Variants in PLPP4 observed in about 807,000 individuals in gnomAD.
PLPP4 encodes diacylglycerol pyrophosphate like 2.
A neutral mutation model predicts 32.2 loss-of-function variants in PLPP4; 20 were observed. The ratio of observed to expected loss-of-function variants is 0.62; its 90% confidence interval spans 0.44 to 0.90. PLPP4 has a LOEUF of 0.90. Among genes scored for constraint, PLPP4 ranks in the 40% least tolerant of loss-of-function variants. The pLI, the probability that PLPP4 is intolerant of heterozygous loss-of-function variation, is 0.00. For missense variants in PLPP4, 257 were observed against 353.1 expected, an observed-to-expected ratio of 0.73 and a Z score of 2.18; for synonymous variants, 127 against 133.0, an observed-to-expected ratio of 0.95 and a Z score of 0.31.
chr10:120,479,022 C>A (rs7077756), intron 1 of PLPP4, among the ~76,000 whole-genome samples: 2 of 151,926 alleles, frequency 1.3e-5, no homozygotes, highest in Non-Finnish European at 2.9e-5. Context: ...GTCAGGAGAT[C>A]GAGACCATCC....
chr10:120,484,183 A>G (rs1844338259), intron 1 of PLPP4, among the ~76,000 whole-genome samples: 1 of 152,196 alleles, frequency 6.6e-6, no homozygotes, highest in East Asian at 1.9e-4. Flanking sequence ...TTCTATGCAT[A>G]TGTGCATGTT....
chr10:120,496,302 A>T (rs1844959777), intron 1 of PLPP4, among the ~76,000 whole-genome samples: 1 of 152,200 alleles, frequency 6.6e-6, no homozygotes, highest in Non-Finnish European at 1.5e-5. Flanking sequence ...GAGTGGCATC[A>T]CTGTCCCTTG....
At chr10:120,540,862 C>T (rs185378489) in intron 5 of PLPP4, among the ~76,000 whole-genome samples, 12 of 152,230 alleles carry the variant, frequency 7.9e-5, no homozygotes, top group Non-Finnish European at 1.0e-4. Flanking sequence ...CATTTCTGAG[C>T]GGAACACCCT....
chr10:120,545,384 GGACGA>G lies in PLPP4; in HGVS notation c.445+24291_445+24295del, dbSNP rs111864046. Among the ~76,000 whole-genome samples, 1,199 of 152,298 alleles carry G rather than the reference GGACGA, an allele frequency of 7.9e-3. 17 individuals carry two copies. The highest frequency in any genetic ancestry group is 0.028 in the African/African-American group (1,160 of 41,560). On this transcript the variant is annotated intron_variant, in intron 5 of 6. Coordinates refer to ENST00000398250, the MANE Select transcript of PLPP4 (RefSeq NM_001030059.3). ...AGAGATTTGGCCACACAAAGCCAAGGGACGAGTATGATATTCTGCCTTTACTCATG... is the reference window on the plus strand; with the variant it reads ...AGAGATTTGGCCACACAAAGCCAAGGGTATGATATTCTGCCTTTACTCATG...
rs146641224 is a variant in PLPP4, at chr10:120,524,843, G to A, written c.445+3748G>A. 9.8e-4 allele frequency among the ~76,000 whole-genome samples: 150 copies of A among 152,302 alleles called. 2 individuals are homozygous for A. The South Asian group carries it at 0.027, about 28-fold the overall frequency. ...GTACCTTCCCATAGTGCTTAAAGCA[G>A]GGATATTCTGAAAAGAGAATTTGTC... On this transcript the variant is annotated intron_variant, in intron 5 of 6. Transcript: ENST00000398250.
At chr10:120,459,269 T>C (rs1483803321) in intron 1 of PLPP4, among the ~76,000 whole-genome samples, 1 of 152,208 alleles carries the variant, frequency 6.6e-6, no homozygotes, top group Non-Finnish European at 1.5e-5. Context: ...ATAGCATTTT[T>C]GGATGACTCC....
At position 120,486,624 on chromosome 10, in the gene PLPP4, A is replaced by G. The variant is rs141110106; in HGVS notation, c.57-17194A>G. Reference sequence around the variant, plus strand: ...ATTATTGTTTTAAATTACTACTGATATAGGGAGGAGAATGTGGTTTCAGGT... The same window carrying G: ...ATTATTGTTTTAAATTACTACTGATGTAGGGAGGAGAATGTGGTTTCAGGT... On this transcript the variant is annotated intron_variant, in intron 1 of 6. Coordinates refer to ENST00000398250, the MANE Select transcript of PLPP4 (RefSeq NM_001030059.3). 3.9e-3 allele frequency among the ~76,000 whole-genome samples: 599 copies of G among 152,350 alleles called. 3 individuals are homozygous for G. Among genetic ancestry groups the G allele is most frequent in the Non-Finnish European group, 6.3e-3 (432 of 68,036 alleles).
chr10:120,513,677 C>G (rs941544993), intron 2 of PLPP4, among the ~76,000 whole-genome samples: 14 of 152,148 alleles, frequency 9.2e-5, no homozygotes, highest in Admixed American at 9.2e-4. Flanking sequence ...AAACATGGCT[C>G]TCAGCAATTA....
intron 1 of PLPP4, among the ~76,000 whole-genome samples, chr10:120,470,751 A>G (rs532178041): frequency 1.3e-4 from 19 of 150,736 alleles, no homozygotes; most frequent in Admixed American, 3.3e-4. Context: ...ATTTTTAGAT[A>G]TCTGTAGGGA....
chr10:120,576,948 T>G lies in PLPP4; in HGVS notation c.616+1647T>G, dbSNP rs542542453. On this transcript the variant is annotated intron_variant, in intron 6 of 6. Transcript: ENST00000398250. ...CCCATGAAGAATATTACGGGCCAAA[T>G]GGCCTTTTATGGACTGCTTCTCATT... Among the ~76,000 whole-genome samples the G allele has an allele frequency of 5.3e-5, 8 of 152,336 alleles. No homozygotes were observed. The East Asian group carries it at 7.7e-4, about 15-fold the overall frequency.
chr10:120,516,934 T>A (rs1188882365), intron 3 of PLPP4, among the ~76,000 whole-genome samples: 3 of 152,204 alleles, frequency 2.0e-5, no homozygotes, highest in Non-Finnish European at 4.4e-5. Context: ...ATGTTAAATA[T>A]CATCACCAGC....
intron 5 of PLPP4, among the ~76,000 whole-genome samples, chr10:120,553,300 A>G (rs11199398): frequency 0.052 from 7,987 of 152,236 alleles, 307 homozygotes; most frequent in South Asian, 0.2. Flanking sequence ...GAGGTGATTA[A>G]GTCATAGGGC....
chr10:120,485,990 A>C lies in PLPP4; in HGVS notation c.57-17828A>C, dbSNP rs139839879. Among the ~76,000 whole-genome samples the C allele has an allele frequency of 3.5e-3, 527 of 152,290 alleles. 3 individuals carry two copies. The highest frequency in any genetic ancestry group is 0.012 in the African/African-American group (497 of 41,558). On this transcript the variant is annotated intron_variant, in intron 1 of 6. Transcript: ENST00000398250. ...TGGTCTGCTCTGGTCTCAAGTTAGA[A>C]GCTCCCAAACCCTAAAACTCTGTAA...
intron 1 of PLPP4, among the ~76,000 whole-genome samples, chr10:120,494,864 C>T (rs1241474963): frequency 6.6e-6 from 1 of 152,224 alleles, no homozygotes; most frequent in Admixed American, 6.5e-5. Context: ...GTTGTCCACA[C>T]TGAGTGAGAC....
In PLPP4 at chr10:120,579,382, G is replaced by A. The variant is rs1384146222; in HGVS notation, c.616+4081G>A. On this transcript the variant is annotated intron_variant, in intron 6 of 6. Transcript: ENST00000398250. ...TTGGAAAGCGTCTCGGTCATTCACA[G>A]ACACAGTTGTCTAACCGGGCTGAAG... Among the ~76,000 whole-genome samples the A allele has an allele frequency of 2.0e-5, 3 of 152,128 alleles. No homozygotes were observed. In the East Asian group the frequency reaches 5.8e-4, roughly 29 times the overall value.
At chr10:120,514,480 C>A (rs1845858995) in intron 3 of PLPP4, among the ~76,000 whole-genome samples, 1 of 152,170 alleles carries the variant, frequency 6.6e-6, no homozygotes, top group South Asian at 2.1e-4. Flanking sequence ...CAAACAAGCT[C>A]TATAACTCAT....
intron 5 of PLPP4, among the ~76,000 whole-genome samples, chr10:120,527,191 G>A (rs1285395952): frequency 1.3e-5 from 2 of 152,108 alleles, no homozygotes; most frequent in East Asian, 3.9e-4. Context: ...TAGGGAATTG[G>A]TTCATGAAAT....
At chr10:120,587,732 T>G (rs1849827243) in intron 6 of PLPP4, among the ~76,000 whole-genome samples, 1 of 152,254 alleles carries the variant, frequency 6.6e-6, no homozygotes, top group Non-Finnish European at 1.5e-5. Flanking sequence ...AGCAGCTTGT[T>G]TTCTTGAAAG....
chr10:120,574,156 ACACACACACACACTCTCTCTCT>A (rs1849075062), intron 5 of PLPP4, among the ~76,000 whole-genome samples: 2 of 120,542 alleles, frequency 1.7e-5, no homozygotes, highest in African/African-American at 7.3e-5. Flanking sequence ...ACACACACAC[ACACACACACACACTCTCTCTCT>A]CTCTCTCTCT....
Sources: gnomAD v4.1 joint callset for allele counts (sites outside exome capture counted in the v4.1 genomes callset) on GRCh38, gnomAD v4.1.1 for gene constraint, MANE v1.5 for transcripts, NCBI Gene and HGNC (gene_info 2026-07-23, HGNC 2026-07-21) for gene names.